ATRNL1: variants seen among roughly 807,000 people sequenced by gnomAD.
The protein encoded by ATRNL1 is attractin like 1, also known as attractin-like protein 1.
A neutral mutation model predicts 182.7 loss-of-function variants in ATRNL1; 95 were observed. That is an observed-to-expected ratio of 0.52 (90% confidence interval 0.44 to 0.62). The LOEUF (loss-of-function observed/expected upper bound fraction) is 0.62, where lower values mean the gene tolerates loss of function less well. Among genes scored for constraint, ATRNL1 ranks in the 20% least tolerant of loss-of-function variants. The pLI is 0.00. For missense variants in ATRNL1, 1,471 were observed against 1,679.5 expected (o/e 0.88, Z 2.17); for synonymous variants, 576 against 568.3 (o/e 1.01, Z -0.19).
intron 24 of ATRNL1, among the ~76,000 whole-genome samples, chr10:115,497,104 G>T (rs145528054): frequency 1.3e-3 from 204 of 152,102 alleles, no homozygotes; most frequent in African/African-American, 4.6e-3. Flanking sequence ...TTTGTTTGGA[G>T]AACCAGTCTA....
At chr10:115,553,555 A>G (rs567872866) in intron 26 of ATRNL1, among the ~76,000 whole-genome samples, 1 of 151,528 alleles carries the variant, frequency 6.6e-6, no homozygotes, top group South Asian at 2.1e-4. Context: ...GAGGGATTGA[A>G]TTTATGTTCA....
At chr10:115,648,317 A>G (rs1593005290) in intron 26 of ATRNL1, among the ~76,000 whole-genome samples, 1 of 152,324 alleles carries the variant, frequency 6.6e-6, no homozygotes, top group East Asian at 1.9e-4. Flanking sequence ...ACACAAACAA[A>G]TGAAGGAAGA....
At position 115,286,255 on chromosome 10, in the gene ATRNL1, C is replaced by T; in HGVS notation, c.2273C>T (p.Ala758Val). ...CGEGWSHIGD[A>V]CLRVNSSREN... ...GAAGGATGGAGTCATATTGGGGATG[C>T]TTGTCTTAGAGTCAATTCCAGTAGA... Residue 758 changes from alanine to valine, a missense_variant, in exon 15 of 29, where the codon GCT becomes GTT. This residue lies in a region of ATRNL1 where 1,031 missense variants were observed against 1,156.0 expected (regional missense o/e 0.89). Transcript: ENST00000355044. The T allele has an allele frequency of 6.3e-7, 1 of 1,596,822 alleles. No individual in the cohort carries two copies. The highest frequency in any genetic ancestry group is 8.6e-7 in the Non-Finnish European group (1 of 1,165,690).
intron 1 of ATRNL1, among the ~76,000 whole-genome samples, chr10:115,105,747 G>A (rs1554865742): frequency 2.6e-5 from 4 of 152,230 alleles, no homozygotes; most frequent in Non-Finnish European, 5.9e-5. Flanking sequence ...CAGCTTCCAT[G>A]TGGTGTTGAG....
At chr10:115,921,541 T>C (rs1463458041) in intron 28 of ATRNL1, among the ~76,000 whole-genome samples, 1 of 152,176 alleles carries the variant, frequency 6.6e-6, no homozygotes, top group Non-Finnish European at 1.5e-5. Flanking sequence ...CTTTTACACC[T>C]CTTACCCCCA....
chr10:115,468,670 G>C (rs1010683286), intron 23 of ATRNL1, among the ~76,000 whole-genome samples: 81 of 150,738 alleles, frequency 5.4e-4, no homozygotes, highest in African/African-American at 1.8e-3. Context: ...TCAATTTGTG[G>C]TAAGACAAAT....
intron 27 of ATRNL1, among the ~76,000 whole-genome samples, chr10:115,760,047 C>T (rs1201842738): frequency 6.6e-6 from 1 of 151,262 alleles, no homozygotes; most frequent in Admixed American, 6.6e-5. Flanking sequence ...ATAAAATTTA[C>T]AGAAATAAAA....
chr10:115,793,120 C>T (rs10885814), intron 27 of ATRNL1, among the ~76,000 whole-genome samples: 72,566 of 151,706 alleles, frequency 0.48, 18,633 homozygotes, highest in East Asian at 0.76. Context: ...TTTAAGGGTT[C>T]GGCACTGAAC....
At chr10:115,680,641 A>C (rs191237418) in intron 26 of ATRNL1, among the ~76,000 whole-genome samples, 120 of 152,180 alleles carry the variant, frequency 7.9e-4, no homozygotes, top group African/African-American at 2.7e-3. Flanking sequence ...TGAGCTTTGT[A>C]GTCTTGGAAG....
rs1044784814 is a variant in ATRNL1 at position 115,437,658 on chromosome 10, A to C, written c.3322+11356A>C. Among the ~76,000 whole-genome samples the C allele has an allele frequency of 6.6e-5, 10 of 151,996 alleles. 3 individuals carry two copies. Among genetic ancestry groups the C allele is most frequent in the Admixed American group, 6.6e-4 (10 of 15,240 alleles). ...CAAAGTCTGTATGTATCCTTTATAG[A>C]CTCCTCAGGATGGCTGACTATAAGA... On this transcript the variant is annotated intron_variant, in intron 21 of 28. Coordinates refer to ENST00000355044, the MANE Select transcript of ATRNL1 (RefSeq NM_207303.4).
At chr10:115,589,731 C>T (rs1555011599) in intron 26 of ATRNL1, among the ~76,000 whole-genome samples, 1 of 152,044 alleles carries the variant, frequency 6.6e-6, no homozygotes, top group African/African-American at 2.4e-5. Flanking sequence ...AATTATATTG[C>T]TTTGATCTAA....
At chr10:115,611,682 C>T (rs1857165910) in intron 26 of ATRNL1, among the ~76,000 whole-genome samples, 1 of 151,834 alleles carries the variant, frequency 6.6e-6, no homozygotes, top group Non-Finnish European at 1.5e-5. Context: ...TCATCTAATG[C>T]ATATAGACAT....
rs1264780 is a variant in ATRNL1, at chr10:115,122,077, T to C, written c.491+265T>C. Among the ~76,000 whole-genome samples, 973 of 152,114 alleles carry C rather than the reference T, an allele frequency of 6.4e-3. 9 individuals are homozygous for C. The highest frequency in any genetic ancestry group is 0.023 in the African/African-American group (945 of 41,576). On this transcript the variant is annotated intron_variant, in intron 3 of 28. Coordinates refer to ENST00000355044, the MANE Select transcript of ATRNL1 (RefSeq NM_207303.4). ...TCTCATTGTATTTAGTTTATTCTTT[T>C]AAAGTGCCTTGAATATGTTTTCAGA... is the stretch of plus-strand genomic sequence containing the variant.
intron 28 of ATRNL1, among the ~76,000 whole-genome samples, chr10:115,918,580 G>A (rs7085838): frequency 0.013 from 1,939 of 152,268 alleles, 49 homozygotes; most frequent in African/African-American, 0.044. Context: ...ACCAATAAGT[G>A]TTTATATAGT....
At chr10:115,751,041 T>C (rs1645715503) in intron 27 of ATRNL1, among the ~76,000 whole-genome samples, 1 of 152,012 alleles carries the variant, frequency 6.6e-6, no homozygotes, top group African/African-American at 2.4e-5. Flanking sequence ...TTGAAGATAT[T>C]AAGGATTATG....
At chr10:115,240,132 A>G (rs942423486) in intron 9 of ATRNL1, among the ~76,000 whole-genome samples, 19 of 152,182 alleles carry the variant, frequency 1.2e-4, no homozygotes, top group Non-Finnish European at 2.6e-4. Flanking sequence ...TGCTCTTAGC[A>G]AAATTTTCTT....
chr10:115,392,279 T>G lies in ATRNL1; in HGVS notation c.3176-2380T>G, dbSNP rs113072068. Among the ~76,000 whole-genome samples the G allele has an allele frequency of 5.3e-3, 800 of 152,240 alleles. 7 individuals are homozygous for G. Among genetic ancestry groups the G allele is most frequent in the African/African-American group, 0.017 (711 of 41,562 alleles). On this transcript the variant is annotated intron_variant, in intron 19 of 28. Coordinates refer to ENST00000355044, the MANE Select transcript of ATRNL1 (RefSeq NM_207303.4). Reference sequence around the variant, plus strand: ...ATTTATATCATTCCCAAGCAAGACATAGAGTATAATCAAAATACAGTAGTT... The same window carrying G: ...ATTTATATCATTCCCAAGCAAGACAGAGAGTATAATCAAAATACAGTAGTT...
intron 24 of ATRNL1, among the ~76,000 whole-genome samples, chr10:115,494,758 A>G (rs898051585): frequency 6.6e-6 from 1 of 152,140 alleles, no homozygotes; most frequent in African/African-American, 2.4e-5. Context: ...TTTTTTGAGA[A>G]TTCTTGCATC....
At chr10:115,655,912 A>G (rs1469623289) in intron 26 of ATRNL1, among the ~76,000 whole-genome samples, 1 of 152,048 alleles carries the variant, frequency 6.6e-6, no homozygotes, top group Non-Finnish European at 1.5e-5. Flanking sequence ...CCAAACTCCT[A>G]CTTGCACCGT....
Sources: allele counts gnomAD v4.1 joint callset (sites outside exome capture counted in the v4.1 genomes callset), GRCh38; gene constraint gnomAD v4.1.1; regional missense constraint gnomAD v4.1.1; transcripts MANE v1.5; gene names NCBI Gene and HGNC (gene_info 2026-07-23, HGNC 2026-07-21).